SLC4A4: variants seen among roughly 807,000 people sequenced by gnomAD.
SLC4A4 encodes electrogenic sodium bicarbonate cotransporter 1.
In SLC4A4, 27 loss-of-function variants were observed where a neutral mutation model predicts 111.5. That is an observed-to-expected ratio of 0.24 (90% CI 0.18 to 0.33). The LOEUF is 0.33. Among genes scored for constraint, SLC4A4 ranks in the 10% least tolerant of loss-of-function variants. SLC4A4 has a pLI of 1.00. For missense variants in SLC4A4, 909 were observed against 1,315.5 expected (o/e 0.69, Z 4.78); for synonymous variants, 443 against 463.4 (o/e 0.96, Z 0.57).
At chr4:71,146,677 G>T (rs1246619265) in intron 2 of SLC4A4, among the ~76,000 whole-genome samples, 1 of 152,056 alleles carries the variant, frequency 6.6e-6, no homozygotes, top group Admixed American at 6.6e-5. Flanking sequence ...TCTTCTTGTT[G>T]AATTGATCCC....
At position 71,083,384 on chromosome 4, in the gene SLC4A4, T is replaced by C. The variant is rs113519120; in HGVS notation, c.-64-9346T>C. Reference sequence around the variant, plus strand: ...GAGATTATATTTGAGACTCTACTCATTTCTCAATTGATGGGGCCAATAGCT... The same window carrying C: ...GAGATTATATTTGAGACTCTACTCACTTCTCAATTGATGGGGCCAATAGCT... On this transcript the variant is annotated intron_variant, in intron 1 of 26. Coordinates refer to the SLC4A4 transcript ENST00000649996. 2.0e-3 allele frequency among the ~76,000 whole-genome samples: 297 copies of C among 152,104 alleles called. 2 individuals are homozygous for C. The highest frequency in any genetic ancestry group is 4.1e-3 in the Admixed American group (62 of 15,298).
intron 2 of SLC4A4, among the ~76,000 whole-genome samples, chr4:71,251,323 G>A (rs1671713993): frequency 6.6e-6 from 1 of 152,154 alleles, no homozygotes; most frequent in South Asian, 2.1e-4. Context: ...TATGAAGTTA[G>A]GTTAGAAATA....
chr4:71,266,933 G>A (rs554782423), intron 3 of SLC4A4, among the ~76,000 whole-genome samples: 8 of 152,188 alleles, frequency 5.3e-5, no homozygotes, highest in African/African-American at 9.7e-5. Flanking sequence ...TGACATTTTG[G>A]TGGGGGAAAT....
chr4:71,236,298 C>T (rs1231984311), intron 1 of SLC4A4: 4 of 1,045,354 alleles, frequency 3.8e-6, no homozygotes, highest in African/African-American at 1.6e-5. Context: ...AGGGGAGAGC[C>T]CCCAACATCC....
chr4:71,460,572 G>C (rs535578918), intron 12 of SLC4A4, among the ~76,000 whole-genome samples: 2 of 152,270 alleles, frequency 1.3e-5, no homozygotes, highest in South Asian at 4.1e-4. Context: ...ACTTTAGGCA[G>C]AGCGGGTGGC....
In SLC4A4 at chr4:71,497,601, T is replaced by G. The variant is rs774328524; in HGVS notation, c.2075T>G (p.Ile692Ser). ...AACAACTGTAATTTTGTTCCTGATA[T>G]CACACTCATGTCTTTTATCCTCTTC... ...VGNNCNFVPD[I>S]TLMSFILFLG... The change falls in exon 16 of 26, where the codon ATC (isoleucine) becomes AGC (serine). Residue 692 changes from isoleucine to serine, a missense_variant. By Grantham distance (142) the Ile-to-Ser change is moderately radical (BLOSUM62 -2). Transcript: ENST00000264485. The G allele has an allele frequency of 1.8e-5, 29 of 1,613,700 alleles. No individual in the cohort carries two copies. The East Asian group carries it at 5.8e-4, about 32-fold the overall frequency.
At chr4:71,318,228 C>T (rs918704038) in intron 3 of SLC4A4, among the ~76,000 whole-genome samples, 3 of 152,124 alleles carry the variant, frequency 2.0e-5, no homozygotes, top group Admixed American at 6.6e-5. Flanking sequence ...AGTCTTTGCT[C>T]ATTTTAAATA....
At chr4:71,328,316 T>C (rs915742156) in intron 3 of SLC4A4, among the ~76,000 whole-genome samples, 1 of 152,170 alleles carries the variant, frequency 6.6e-6, no homozygotes, top group Non-Finnish European at 1.5e-5. Context: ...CTCTTTGATA[T>C]ACTGATTTCC....
At chr4:71,141,213 G>A (rs113442221) in intron 2 of SLC4A4, among the ~76,000 whole-genome samples, 3 of 152,104 alleles carry the variant, frequency 2.0e-5, no homozygotes, top group South Asian at 4.1e-4. Flanking sequence ...CTATGAGTTC[G>A]ATTATTTCAG....
At chr4:71,229,014 A>G (rs1719228632) in intron 1 of SLC4A4, among the ~76,000 whole-genome samples, 1 of 152,204 alleles carries the variant, frequency 6.6e-6, no homozygotes, top group South Asian at 2.1e-4. Flanking sequence ...AAGATACTGA[A>G]TAGAGCCAAC....
At chr4:71,110,530 A>C (rs1320160707) in intron 2 of SLC4A4, among the ~76,000 whole-genome samples, 6 of 152,190 alleles carry the variant, frequency 3.9e-5, no homozygotes, top group Admixed American at 3.9e-4. Flanking sequence ...CTTTTATGTT[A>C]ACTTTAAAGT....
chr4:71,273,545 A>G (rs973607704), intron 3 of SLC4A4, among the ~76,000 whole-genome samples: 6 of 152,216 alleles, frequency 3.9e-5, no homozygotes, highest in African/African-American at 1.4e-4. Flanking sequence ...GGAAAAGGTC[A>G]GTCTCATGAC....
intron 6 of SLC4A4, among the ~76,000 whole-genome samples, chr4:71,358,816 A>G (rs1253596885): frequency 6.6e-6 from 1 of 152,218 alleles, no homozygotes; most frequent in Non-Finnish European, 1.5e-5. Flanking sequence ...ATTTTATTTA[A>G]CAATTTATAT....
At chr4:71,379,754 C>G (rs1396876177) in intron 6 of SLC4A4, among the ~76,000 whole-genome samples, 1 of 152,000 alleles carries the variant, frequency 6.6e-6, no homozygotes, top group Non-Finnish European at 1.5e-5. Flanking sequence ...GACTATTGGA[C>G]AAAACAGAGT....
chr4:71,546,774 C>G (rs1372520601), intron 19 of SLC4A4, among the ~76,000 whole-genome samples: 1 of 151,872 alleles, frequency 6.6e-6, no homozygotes. Flanking sequence ...AAAACTACAA[C>G]CAGATTACTT....
chr4:71,191,919 C>A (rs1745749240), intron 1 of SLC4A4, among the ~76,000 whole-genome samples: 1 of 151,814 alleles, frequency 6.6e-6, no homozygotes. Flanking sequence ...TATTAGAAAC[C>A]TTAAGAAAGT....
intron 16 of SLC4A4, among the ~76,000 whole-genome samples, chr4:71,516,868 G>A (rs541960463): frequency 6.6e-6 from 1 of 152,252 alleles, no homozygotes; most frequent in African/African-American, 2.4e-5. Flanking sequence ...GTAGGTGTCT[G>A]TAGTCAGCCA....
rs185601610 is a variant in SLC4A4 at position 71,135,247 on chromosome 4, A to G, written c.-2+42455A>G. On this transcript the variant is annotated intron_variant, in intron 2 of 26. Transcript: ENST00000649996. ...GAATGGCTAAATTGAGCTAATTAAC[A>G]TATGTATTACCTCACATACTAATTT... Among the ~76,000 whole-genome samples, 11 of 151,822 alleles carry G rather than the reference A, an allele frequency of 7.2e-5. No individual in the cohort carries two copies. In the East Asian group the frequency reaches 1.7e-3, roughly 24 times the overall value.
chr4:71,501,601 T>C (rs1005880495), intron 16 of SLC4A4, among the ~76,000 whole-genome samples: 1 of 151,018 alleles, frequency 6.6e-6, no homozygotes, highest in African/African-American at 2.4e-5. Flanking sequence ...TATTGGATTG[T>C]TGGTTTTGCT....
Sources: allele counts gnomAD v4.1 joint callset (sites outside exome capture counted in the v4.1 genomes callset), GRCh38; gene constraint gnomAD v4.1.1; transcripts MANE v1.5; gene names NCBI Gene and HGNC (gene_info 2026-07-23, HGNC 2026-07-21).